The following CCDC7 variants were observed in gnomAD, a reference collection of about 807,000 sequenced individuals.
CCDC7 encodes coiled-coil domain containing 7, also known as coiled-coil domain-containing protein 7.
In CCDC7, 183 loss-of-function variants were observed where a neutral mutation model predicts 196.9. The ratio of observed to expected loss-of-function variants is 0.93; its 90% CI spans 0.82 to 1.05. The LOEUF (loss-of-function observed/expected upper bound fraction) is 1.05, where lower values mean the gene tolerates loss of function less well. CCDC7 is among the 50% of genes least tolerant of loss of function. The probability of loss-of-function intolerance (pLI) is 0.00; values close to 1 mark genes in which losing one functional copy is unlikely to be tolerated. For synonymous variants in CCDC7, 525 were observed against 484.6 expected (o/e 1.08, Z -1.10); for missense variants, 1,540 against 1,482.2 (o/e 1.04, Z -0.64).
At chr10:32,557,561 G>C (rs1009924991) in intron 13 of CCDC7, among the ~76,000 whole-genome samples, 3 of 151,918 alleles carry the variant, frequency 2.0e-5, no homozygotes, top group Non-Finnish European at 4.4e-5. Flanking sequence ...TTTAGATTGG[G>C]TATTTTGTAT....
intron 24 of CCDC7, among the ~76,000 whole-genome samples, chr10:32,698,855 G>A (rs957296074): frequency 6.6e-6 from 1 of 152,090 alleles, no homozygotes; most frequent in Non-Finnish European, 1.5e-5. Context: ...CACAGAGAAC[G>A]CCACAAAGTT....
intron 11 of CCDC7, among the ~76,000 whole-genome samples, chr10:32,526,948 G>A (rs2048767847): frequency 6.6e-6 from 1 of 152,120 alleles, no homozygotes; most frequent in African/African-American, 2.4e-5. Context: ...AAGTTTACTG[G>A]CTTTAAGCCC....
intron 41 of CCDC7, among the ~76,000 whole-genome samples, chr10:32,855,762 C>T (rs2093727977): frequency 6.6e-6 from 1 of 152,134 alleles, no homozygotes; most frequent in African/African-American, 2.4e-5. Context: ...CTATAAGGGA[C>T]CCGATAGTCA....
At chr10:32,486,399 G>A (rs1168195184) in intron 8 of CCDC7, among the ~76,000 whole-genome samples, 8 of 151,580 alleles carry the variant, frequency 5.3e-5, no homozygotes, top group East Asian at 1.9e-4. Flanking sequence ...GTCTCTGCAC[G>A]TGAGATGGGT....
At chr10:32,721,879 T>A (rs1239410032) in intron 25 of CCDC7, among the ~76,000 whole-genome samples, 1 of 152,040 alleles carries the variant, frequency 6.6e-6, no homozygotes, top group Non-Finnish European at 1.5e-5. Flanking sequence ...ATACGAGATG[T>A]CAGTTGTTGT....
intron 38 of CCDC7, 127 bp from the exon 40 acceptor site, chr10:32,848,469 G>T: frequency 1.5e-6 from 1 of 649,232 alleles, no homozygotes; most frequent in Non-Finnish European, 2.6e-6. Context: ...ATAAACAAGT[G>T]GCCATTTAAT....
At chr10:32,569,789 A>AT (rs1488738429) in intron 15 of CCDC7, among the ~76,000 whole-genome samples, 2 of 152,232 alleles carry the variant, frequency 1.3e-5, no homozygotes, top group Admixed American at 6.5e-5. Flanking sequence ...TTAATCATTT[A>AT]TTTTTTAATA....
intron 5 of CCDC7, among the ~76,000 whole-genome samples, chr10:32,464,506 G>C (rs2036345340): frequency 6.6e-6 from 1 of 151,882 alleles, no homozygotes; most frequent in South Asian, 2.1e-4. Flanking sequence ...GTGTTTGTTT[G>C]TTTGTTTGTT....
At chr10:32,655,856 T>C (rs2069727805) in intron 20 of CCDC7, among the ~76,000 whole-genome samples, 1 of 152,172 alleles carries the variant, frequency 6.6e-6, no homozygotes, top group Non-Finnish European at 1.5e-5. Context: ...CTATATGTCT[T>C]CTTTTGAGAA....
chr10:32,685,388 A>T (rs1293916933), intron 21 of CCDC7, among the ~76,000 whole-genome samples: 1 of 152,008 alleles, frequency 6.6e-6, no homozygotes, highest in Non-Finnish European at 1.5e-5. Context: ...TGTTGTTGTC[A>T]TTCTGGTCTG....
chr10:32,808,233 G>A (rs561713249), intron 30 of CCDC7, among the ~76,000 whole-genome samples: 18 of 152,196 alleles, frequency 1.2e-4, no homozygotes, highest in South Asian at 4.1e-4. Context: ...GCCTAGAGCC[G>A]TGTTTCAGTG....
rs570141946 is a variant in CCDC7 at position 32,500,607 on chromosome 10, C to T, written c.872+8610C>T. ...GGCTCCTCACATCCCAGACGATGGG[C>T]GGCCAGGCAGAGACGCTCCTCACTT... On this transcript the variant is annotated intron_variant, in intron 9 of 41. Coordinates refer to ENST00000639629, the Ensembl canonical transcript of CCDC7. Among the ~76,000 whole-genome samples, 177 of 152,056 alleles carry T rather than the reference C, an allele frequency of 1.2e-3. 1 individual carries two copies. The highest frequency in any genetic ancestry group is 1.2e-3 in the Non-Finnish European group (80 of 67,952).
chr10:32,804,877 CA>C (rs1475083319), intron 29 of CCDC7, 137 bp from the exon 31 acceptor site: 1 of 598,688 alleles, frequency 1.7e-6, no homozygotes, highest in African/African-American at 1.9e-5. Context: ...TTTGGCAATT[CA>C]GACATTTTGC....
At chr10:32,760,775 C>CA (rs56959291) in intron 28 of CCDC7, among the ~76,000 whole-genome samples, 24 of 149,406 alleles carry the variant, frequency 1.6e-4, no homozygotes, top group South Asian at 4.2e-4. Flanking sequence ...AAAGATATTA[C>CA]AAAAAAAAAG....
chr10:32,620,246 A>G (rs2063263350), intron 18 of CCDC7, among the ~76,000 whole-genome samples: 2 of 151,948 alleles, frequency 1.3e-5, no homozygotes, highest in African/African-American at 4.8e-5. Context: ...TAATTCTGTT[A>G]TTGCATTTTA....
At chr10:32,827,469 A>T (rs2091297292) in intron 32 of CCDC7, among the ~76,000 whole-genome samples, 1 of 152,136 alleles carries the variant, frequency 6.6e-6, no homozygotes, top group Non-Finnish European at 1.5e-5. Flanking sequence ...TGCCAAGACT[A>T]CCATCCGTGG....
intron 32 of CCDC7, among the ~76,000 whole-genome samples, chr10:32,834,366 T>C (rs1365676208): frequency 6.6e-6 from 1 of 152,040 alleles, no homozygotes; most frequent in Non-Finnish European, 1.5e-5. Context: ...AATAAAATTA[T>C]ATTCCACCTC....
At chr10:32,696,018 G>A (rs2077670212) in intron 24 of CCDC7, among the ~76,000 whole-genome samples, 1 of 150,896 alleles carries the variant, frequency 6.6e-6, no homozygotes, top group Non-Finnish European at 1.5e-5. Flanking sequence ...TAATCCCCAA[G>A]ACAGTTGATA....
At chr10:32,677,605 A>G (rs1484298423) in intron 21 of CCDC7, among the ~76,000 whole-genome samples, 2 of 151,818 alleles carry the variant, frequency 1.3e-5, no homozygotes, top group African/African-American at 4.8e-5. Flanking sequence ...TTATGGGTTT[A>G]TCTTGTATGT....
Sources: allele counts gnomAD v4.1 joint callset (sites outside exome capture counted in the v4.1 genomes callset), GRCh38; gene constraint gnomAD v4.1.1; transcripts MANE v1.5; gene names NCBI Gene and HGNC (gene_info 2026-07-23, HGNC 2026-07-21).